Variants in SLC8A2 observed in about 807,000 individuals in gnomAD.
SLC8A2 encodes the protein solute carrier family 8 member A2.
In SLC8A2, 14 loss-of-function variants were observed where a neutral mutation model predicts 70.2. The observed-to-expected ratio is 0.20, with a 90% confidence interval of 0.13 to 0.31. The LOEUF (loss-of-function observed/expected upper bound fraction) is 0.31. Among genes scored for constraint, SLC8A2 ranks in the 10% least tolerant of loss-of-function variants. The probability of loss-of-function intolerance (pLI) is 1.00; values close to 1 mark genes in which losing one functional copy is unlikely to be tolerated. For synonymous variants in SLC8A2, 575 were observed against 594.3 expected (o/e 0.97, Z 0.47); for missense variants, 779 against 1,320.1 (o/e 0.59, Z 6.35).
At position 47,466,408 on chromosome 19, in the gene SLC8A2, G is replaced by T; in HGVS notation, c.-5C>A. The T allele has an allele frequency of 1.1e-5, 15 of 1,331,702 alleles. No homozygotes were observed. The highest frequency in any genetic ancestry group is 1.5e-5 in the Non-Finnish European group (15 of 1,004,276). The allele number at this position is 1,331,702 out of a possible 1,614,324, so 82.5% of individuals were successfully genotyped here. On this transcript the variant is annotated 5_prime_UTR_variant, in exon 2 of 10. Transcript: ENST00000236877. This position sits in a 1 kb window ranked among gnomAD's most constrained non-coding sequence, Gnocchi z 6.9. ...CACCAAGGCCAGGGGAGCCATGGGGGGTGGTGGGGTCCTATGGGGGAGGAG... is the reference window on the plus strand; with the variant it reads ...CACCAAGGCCAGGGGAGCCATGGGGTGTGGTGGGGTCCTATGGGGGAGGAG...
chr19:47,445,011 A>G (rs1041075195), intron 4 of SLC8A2, among the ~76,000 whole-genome samples: 1 of 149,608 alleles, frequency 6.7e-6, no homozygotes, highest in Non-Finnish European at 1.5e-5. Context: ...TCGCGTCTCC[A>G]TCTCTCTGCC....
intron 3 of SLC8A2, among the ~76,000 whole-genome samples, chr19:47,450,821 A>G (rs574070416): frequency 6.6e-6 from 1 of 152,080 alleles, no homozygotes; most frequent in Admixed American, 6.5e-5. Context: ...GGCTAATAAT[A>G]GTGTTTACCT....
chr19:47,432,036 C>A lies in SLC8A2; in HGVS notation c.2389+131G>T, dbSNP rs1200109101. On this transcript the variant is annotated intron_variant, in intron 9 of 9. Transcript: ENST00000236877. The surrounding 1 kb of genome is among the most constrained non-coding windows in gnomAD (Gnocchi z 6.2). The stretch of plus-strand genomic sequence containing the variant: ...GCTGCCTGGCTTCTATTATGCCCCA[C>A]CTCCGTATTTCTCTGAGACCCACCA... 3.5e-5 allele frequency: 29 copies of A among 837,478 alleles called. No individual in the cohort carries two copies. The highest frequency in any genetic ancestry group is 4.8e-5 in the Non-Finnish European group (27 of 557,038). The allele number at this position is 837,478 out of a possible 1,614,324, so 51.9% of individuals were successfully genotyped here. A position where few individuals can be genotyped will look rare whatever the true frequency, so the allele number is the denominator to read the frequency against.
rs12462636 is a variant in SLC8A2 at position 47,430,988 on chromosome 19, T to A, written c.2390-523A>T. On this transcript the variant is annotated intron_variant, in intron 9 of 9. Transcript: ENST00000236877. This position sits in a 1 kb window ranked among gnomAD's most constrained non-coding sequence, Gnocchi z 5.9. ...ATCCACTCGCCTCGGTCTCCCAAAG[T>A]GCTGGGATTACAGGTATGAGCCACC... Among the ~76,000 whole-genome samples, 4 of 151,024 alleles carry A rather than the reference T, an allele frequency of 2.6e-5. No individual in the cohort carries two copies. The East Asian group carries it at 7.9e-4, about 30-fold the overall frequency.
chr19:47,447,717 G>T lies in SLC8A2; in HGVS notation c.1763+92C>A. On this transcript the variant is annotated intron_variant, in intron 4 of 9. Transcript: ENST00000236877. The surrounding 1 kb of genome is among the most constrained non-coding windows in gnomAD (Gnocchi z 5.1). ...CAACCAAGACCCGCCCACTATGTGG[G>T]CATGGCTCACCCAGGCCCCGCCCCT... 7.6e-7 allele frequency: 1 copy of T among 1,316,792 alleles called. No homozygotes were observed. The highest frequency in any genetic ancestry group is 1.0e-6 in the Non-Finnish European group (1 of 1,000,168). 81.6% of individuals were successfully genotyped at this position (1,316,792 alleles called of 1,614,324 possible).
intron 4 of SLC8A2, among the ~76,000 whole-genome samples, chr19:47,443,507 C>T (rs1967123331): frequency 6.6e-6 from 1 of 152,140 alleles, no homozygotes; most frequent in African/African-American, 2.4e-5. Flanking sequence ...GAAGCACAGC[C>T]GATCACACCG....
At chr19:47,459,591 CTGTG>C (rs1235370859) in intron 2 of SLC8A2, among the ~76,000 whole-genome samples, 1 of 151,030 alleles carries the variant, frequency 6.6e-6, no homozygotes, top group Non-Finnish European at 1.5e-5. Flanking sequence ...TGTGTGTGTC[CTGTG>C]TGTGCGTGCT....
At chr19:47,455,367 T>C (rs906786817) in intron 3 of SLC8A2, among the ~76,000 whole-genome samples, 1 of 152,134 alleles carries the variant, frequency 6.6e-6, no homozygotes, top group African/African-American at 2.4e-5. Context: ...TCTCCCTGTC[T>C]CCTGATTTAT....
At chr19:47,443,704 T>G in intron 4 of SLC8A2, among the ~76,000 whole-genome samples, 1 of 152,212 alleles carries the variant, frequency 6.6e-6, no homozygotes, top group Non-Finnish European at 1.5e-5. Flanking sequence ...CGCCTCTTGG[T>G]GTCTCTGTTT....
At chr19:47,458,379 CCT>C (rs1340485514) in intron 2 of SLC8A2, among the ~76,000 whole-genome samples, 1 of 149,806 alleles carries the variant, frequency 6.7e-6, no homozygotes, top group African/African-American at 2.5e-5. Context: ...TCTCTCCCCA[CCT>C]CTTTCTGTCT....
intron 8 of SLC8A2, among the ~76,000 whole-genome samples, chr19:47,437,187 G>T (rs986411914): frequency 2.7e-5 from 4 of 148,008 alleles, no homozygotes; most frequent in African/African-American, 1.1e-4. Flanking sequence ...ATTTCTGTGT[G>T]TCTCTCTCTC....
chr19:47,471,113 G>A (rs1313270076), intron 1 of SLC8A2, among the ~76,000 whole-genome samples: 4 of 151,402 alleles, frequency 2.6e-5, no homozygotes, highest in South Asian at 2.1e-4. Context: ...AGATGGAGAC[G>A]AGGGGGAGAT....
At position 47,468,569 on chromosome 19, in the gene SLC8A2, C is replaced by T. The variant is rs1305609086; in HGVS notation, c.-16-2150G>A. Among the ~76,000 whole-genome samples, 3 of 152,078 alleles carry T rather than the reference C, an allele frequency of 2.0e-5. No homozygotes were observed. The highest frequency in any genetic ancestry group is 7.2e-5 in the African/African-American group (3 of 41,396). On this transcript the variant is annotated intron_variant, in intron 1 of 9. Coordinates refer to ENST00000236877, the MANE Select transcript of SLC8A2 (RefSeq NM_015063.3). This position sits in a 1 kb window ranked among gnomAD's most constrained non-coding sequence, Gnocchi z 5.1. ...TCCCAAAGTGCTGGGATCACAGGTG[C>T]GTGCCACCGTGCCCCGCCCACTCTT...
Position 47,444,353 on chromosome 19 carries a change from C to A in SLC8A2, c.1764-2913G>T, listed in dbSNP as rs937805150. ...CAAACACGCACAAGACACAGCGACA[C>A]CCGCGCAAGGACAGGCGCACACAAG... On this transcript the variant is annotated intron_variant, in intron 4 of 9. Coordinates refer to ENST00000236877, the MANE Select transcript of SLC8A2 (RefSeq NM_015063.3). 2.6e-5 allele frequency among the ~76,000 whole-genome samples: 4 copies of A among 152,182 alleles called. No homozygotes were observed. In the South Asian group the frequency reaches 8.3e-4, roughly 31 times the overall value.
At position 47,466,669 on chromosome 19, in the gene SLC8A2, T is replaced by G. The variant is rs939313279; in HGVS notation, c.-16-250A>C. 6.6e-6 allele frequency among the ~76,000 whole-genome samples: 1 copy of G among 152,134 alleles called. No individual in the cohort carries two copies. Among genetic ancestry groups the G allele is most frequent in the Non-Finnish European group, 1.5e-5 (1 of 68,014 alleles). ...GGAATGCAAATTGGTCTATGCACTT[T>G]GGGCAACTACAGCCGAACACCACGT... On this transcript the variant is annotated intron_variant, in intron 1 of 9. Coordinates refer to ENST00000236877, the MANE Select transcript of SLC8A2 (RefSeq NM_015063.3). This position sits in a 1 kb window ranked among gnomAD's most constrained non-coding sequence, Gnocchi z 6.9.
At chr19:47,469,165 T>TGGGGGAGAGGGGTGATTCTTAAA (rs1377589335) in intron 1 of SLC8A2, among the ~76,000 whole-genome samples, 1 of 147,046 alleles carries the variant, frequency 6.8e-6, no homozygotes, top group Non-Finnish European at 1.5e-5. Flanking sequence ...CAGGCAAGGG[T>TGGGGGAGAGGGGTGATTCTTAAA]GGGGGAGAGG....
At position 47,447,671 on chromosome 19, in the gene SLC8A2, G is replaced by C; in HGVS notation, c.1763+138C>G. On this transcript the variant is annotated intron_variant, in intron 4 of 9. Transcript: ENST00000236877. This position sits in a 1 kb window ranked among gnomAD's most constrained non-coding sequence, Gnocchi z 5.1. Reference sequence around the variant, plus strand: ...CCCACGTTGCGGGCACGGCCACGCAGGCCCCTCCCCTCCCGAGGCCCAACC... The same window carrying C: ...CCCACGTTGCGGGCACGGCCACGCACGCCCCTCCCCTCCCGAGGCCCAACC... 1.1e-6 allele frequency: 1 copy of C among 879,942 alleles called. No individual in the cohort carries two copies. Among genetic ancestry groups the C allele is most frequent in the Non-Finnish European group, 1.6e-6 (1 of 618,934 alleles). 54.5% of individuals were successfully genotyped at this position (879,942 alleles called of 1,614,324 possible). A position where few individuals can be genotyped will look rare whatever the true frequency, so the allele number is the denominator to read the frequency against.
chr19:47,470,348 T>TACACACACACACACACAC (rs71180846), intron 1 of SLC8A2, among the ~76,000 whole-genome samples: 4 of 139,300 alleles, frequency 2.9e-5, no homozygotes, highest in African/African-American at 8.0e-5. Context: ...GGAGACATCA[T>TACACACACACACACACAC]ACACACACAC....
In SLC8A2 at chr19:47,452,437, AGAGAGAGAGT is replaced by A. The variant is rs1340724141; in HGVS notation, c.1341-4216_1341-4207del. Among the ~76,000 whole-genome samples, 595 of 87,124 alleles carry A rather than the reference AGAGAGAGAGT, an allele frequency of 6.8e-3. 1 individual carries two copies. The highest frequency in any genetic ancestry group is 9.5e-3 in the Non-Finnish European group (420 of 44,294). The allele number at this position is 87,124 out of a possible 152,430, so 57.2% of individuals were successfully genotyped here. ...GAGAGAGAGAGAGAGAGAGAGAGAG[AGAGAGAGAGT>A]GTGTGTGTGTGTGTGTGTGTGTGTG... On this transcript the variant is annotated intron_variant, in intron 3 of 9. Coordinates refer to ENST00000236877, the MANE Select transcript of SLC8A2 (RefSeq NM_015063.3).
Sources: gnomAD v4.1 joint callset for allele counts (sites outside exome capture counted in the v4.1 genomes callset) on GRCh38, gnomAD v4.1.1 for gene constraint, Gnocchi (gnomAD v3.1) non-coding constraint, MANE v1.5 for transcripts, NCBI Gene and HGNC (gene_info 2026-07-23, HGNC 2026-07-21) for gene names.